CDC42BPA: variants seen among roughly 807,000 people sequenced by gnomAD.
CDC42BPA encodes the protein CDC42 binding protein kinase alpha, also known as serine/threonine-protein kinase MRCK alpha.
A neutral mutation model predicts 223.5 loss-of-function variants in CDC42BPA; 80 were observed. The ratio of observed to expected loss-of-function variants is 0.36; its 90% CI spans 0.30 to 0.43. CDC42BPA has a LOEUF of 0.43. Ranked by LOEUF, CDC42BPA falls within the 20% of genes least tolerant of loss-of-function variation. The probability of loss-of-function intolerance (pLI) is 1.00; values close to 1 mark genes in which losing one functional copy is unlikely to be tolerated. For synonymous variants in CDC42BPA, 694 were observed against 718.6 expected, an observed-to-expected ratio of 0.97 and a Z score of 0.55; for missense variants, 1,743 against 2,099.9, an observed-to-expected ratio of 0.83 and a Z score of 3.32.
rs531366026 is a variant in CDC42BPA at position 227,239,920 on chromosome 1, T to A, written c.270+14144A>T. On this transcript the variant is annotated intron_variant, in intron 2 of 36. Transcript: ENST00000366766. The stretch of plus-strand genomic sequence containing the variant: ...ACACTGTATTAGAGGTCCGAGCTAG[T>A]GCAGTAAGTCAAGACAAAGAAATAG... 1.6e-4 allele frequency among the ~76,000 whole-genome samples: 24 copies of A among 152,200 alleles called. No homozygotes were observed. The South Asian group carries it at 4.8e-3, about 30-fold the overall frequency.
Position 227,101,174 on chromosome 1 carries a change from T to C in CDC42BPA, c.2067A>G (p.Leu689=). 6.3e-7 allele frequency: 1 copy of C among 1,596,896 alleles called. No individual in the cohort carries two copies. Among genetic ancestry groups the C allele is most frequent in the Non-Finnish European group, 8.6e-7 (1 of 1,165,230 alleles). The change falls in exon 15 of 37, where the codon CTA becomes CTG. Residue 689 remains leucine (L), a synonymous_variant. Transcript: ENST00000366766. ...SIEHQQEITK[L]KTDLEKKSIF... is the part of the protein sequence containing the mutation. Reference sequence around the variant, plus strand: ...TACTTTTCTTTTCCAAATCAGTCTTTAGTTTGGTTATCTCTTGCTGATGTT... The same window carrying C: ...TACTTTTCTTTTCCAAATCAGTCTTCAGTTTGGTTATCTCTTGCTGATGTT...
chr1:227,120,989 T>C (rs1353288130), intron 11 of CDC42BPA, among the ~76,000 whole-genome samples: 1 of 152,146 alleles, frequency 6.6e-6, no homozygotes, highest in Non-Finnish European at 1.5e-5. Context: ...ACAATAGGGT[T>C]CACGGTCCCA....
intron 22 of CDC42BPA, 104 bp from the exon 23 acceptor site, chr1:227,048,114 GCAAAAAGTT>G: frequency 5.0e-6 from 3 of 601,264 alleles, no homozygotes; most frequent in East Asian, 2.9e-5. Flanking sequence ...CATCAATAAG[GCAAAAAGTT>G]CTACTAATTA....
intron 2 of CDC42BPA, among the ~76,000 whole-genome samples, chr1:227,230,501 A>C (rs1184267107): frequency 2.0e-5 from 3 of 152,196 alleles, no homozygotes; most frequent in Non-Finnish European, 4.4e-5. Context: ...ATAATACTGT[A>C]ACAGAGTTTA....
intron 6 of CDC42BPA, among the ~76,000 whole-genome samples, chr1:227,150,536 AC>A (rs1447507047): frequency 6.6e-6 from 1 of 152,176 alleles, no homozygotes; most frequent in Non-Finnish European, 1.5e-5. Context: ...GACTGAGTAA[AC>A]TATCGCTAAC....
In CDC42BPA at chr1:227,112,788, G is replaced by T. The variant is rs150453607; in HGVS notation, c.1773C>A (p.Thr591=). ...CATGGCGAGCAAGTTTCTGTTTTTG[G>T]GTGTGCAATTCTGTTAGCCGCTCAT... The part of the protein sequence containing the change: ...EINERLTELH[T]QKQKLARHVR... Residue 591 remains threonine (T), a synonymous_variant, in exon 13 of 37, where the codon ACC becomes ACA. Coordinates refer to ENST00000366766, the MANE Select transcript of CDC42BPA (RefSeq NM_001394014.1). 6.2e-7 allele frequency: 1 copy of T among 1,613,860 alleles called. No homozygotes were observed. Among genetic ancestry groups the T allele is most frequent in the African/African-American group, 1.3e-5 (1 of 74,966 alleles).
At chr1:227,084,259 G>A (rs1205038864) in intron 16 of CDC42BPA, among the ~76,000 whole-genome samples, 1 of 152,142 alleles carries the variant, frequency 6.6e-6, no homozygotes. Flanking sequence ...TGGGTGTGGT[G>A]GCTCACGCCT....
At chr1:227,096,561 C>T (rs547900523) in intron 15 of CDC42BPA, among the ~76,000 whole-genome samples, 1 of 152,366 alleles carries the variant, frequency 6.6e-6, no homozygotes, top group East Asian at 1.9e-4. Context: ...TCAACACTGC[C>T]TGTGATTACA....
chr1:227,199,105 T>C (rs982904032), intron 4 of CDC42BPA, among the ~76,000 whole-genome samples: 1 of 152,172 alleles, frequency 6.6e-6, no homozygotes, highest in African/African-American at 2.4e-5. Context: ...GTGTTAGTTA[T>C]GTAATAAAAA....
At chr1:227,100,416 C>T (rs577175880) in intron 15 of CDC42BPA, among the ~76,000 whole-genome samples, 2 of 152,226 alleles carry the variant, frequency 1.3e-5, no homozygotes, top group Middle Eastern at 3.4e-3. Context: ...CTCTATTTTA[C>T]TTTCCAGCTT....
chr1:227,030,204 T>C (rs12403775), intron 29 of CDC42BPA, among the ~76,000 whole-genome samples: 32,973 of 151,628 alleles, frequency 0.22, 3,912 homozygotes, highest in Non-Finnish European at 0.27. Flanking sequence ...AGAAAGACAA[T>C]ACATATTTGA....
At chr1:227,287,237 C>T (rs559375262) in intron 1 of CDC42BPA, among the ~76,000 whole-genome samples, 22 of 152,214 alleles carry the variant, frequency 1.4e-4, no homozygotes, top group Admixed American at 4.6e-4. Context: ...TCGTATTGTG[C>T]GGAAAAGAGT....
intron 1 of CDC42BPA, among the ~76,000 whole-genome samples, chr1:227,258,600 G>A (rs1458474746): frequency 6.6e-6 from 1 of 150,828 alleles, no homozygotes; most frequent in African/African-American, 2.5e-5. Flanking sequence ...TTTAAAAGAT[G>A]CCTTAACAAG....
rs35570582 is a variant in CDC42BPA, at chr1:227,095,589, G to GT, written c.2250-3599dup. On this transcript the variant is annotated intron_variant, in intron 15 of 36. Transcript: ENST00000366766. ...GGAAAAAAGGGGAATAAGTTCTTTG[G>GT]TTTTTTTTTTTTTTTTTTTGAGACA... Among the ~76,000 whole-genome samples the GT allele has an allele frequency of 6.9e-3, 874 of 127,542 alleles. 6 individuals are homozygous for GT. Among genetic ancestry groups the GT allele is most frequent in the African/African-American group, 0.017 (595 of 34,302 alleles). The allele number at this position is 127,542 out of a possible 152,430, so 83.7% of individuals were successfully genotyped here.
At chr1:227,275,017 T>G (rs1045009189) in intron 1 of CDC42BPA, among the ~76,000 whole-genome samples, 2 of 152,086 alleles carry the variant, frequency 1.3e-5, no homozygotes, top group Non-Finnish European at 2.9e-5. Flanking sequence ...AAGTGAAGCA[T>G]ACAAAAGTTT....
In CDC42BPA at chr1:227,317,349, C is replaced by G; in HGVS notation, c.-167G>C. 1 of 613,018 alleles carries G rather than the reference C, an allele frequency of 1.6e-6. No homozygotes were observed. Among genetic ancestry groups the G allele is most frequent in the Non-Finnish European group, 2.7e-6 (1 of 367,614 alleles). The allele number at this position is 613,018 out of a possible 1,614,324, so 38.0% of individuals were successfully genotyped here. Reference sequence around the variant, plus strand: ...TAAACATCCAACACACCAGTAACCTCACTTAACTGAAGCGTCTTCAATTTC... The same window carrying G: ...TAAACATCCAACACACCAGTAACCTGACTTAACTGAAGCGTCTTCAATTTC... On this transcript the variant is annotated 5_prime_UTR_variant, in exon 1 of 37. The change abolishes the stop of an existing upstream ORF in the 5' untranslated region. Coordinates refer to ENST00000366766, the MANE Select transcript of CDC42BPA (RefSeq NM_001394014.1).
rs77122651 is a variant in CDC42BPA at position 227,080,900 on chromosome 1, T to G, written c.2473A>C (p.Ile825Leu). ...GTTTAAAAGAGCACTCACCACTGAA[T>G]TATTTCTGTGATTTGGGCTTCCCAA... ...AHWEAQITEI[I>L]QWVSDEKDAR... is the part of the protein sequence containing the mutation. Residue 825 changes from isoleucine to leucine, a missense_variant, in exon 17 of 37, where the codon ATT (isoleucine) becomes CTT (leucine). By Grantham distance (5) the Ile-to-Leu change is conservative. Around this residue, in one of 6 missense-constraint regions of CDC42BPA, gnomAD observed 464 missense variants for 488.0 expected, o/e 0.95. Transcript: ENST00000366766. 1,608 of 1,613,636 alleles carry G rather than the reference T, an allele frequency of 1.0e-3. 18 individuals carry two copies. The African/African-American group carries it at 0.019, about 19-fold the overall frequency.
intron 3 of CDC42BPA, among the ~76,000 whole-genome samples, chr1:227,206,504 T>C (rs1327977587): frequency 4.6e-5 from 7 of 152,090 alleles, no homozygotes; most frequent in Non-Finnish European, 1.0e-4. Flanking sequence ...TCTGAAAAAA[T>C]TGTTTTAAAG....
At chr1:227,253,269 C>CGAGAGAGAGA (rs1355950996) in intron 2 of CDC42BPA, among the ~76,000 whole-genome samples, 146 of 80,190 alleles carry the variant, frequency 1.8e-3, no homozygotes, top group Non-Finnish European at 3.2e-3. Context: ...CGAGAGAGAG[C>CGAGAGAGAGA]GCGCGCGCGT....
Sources: gnomAD v4.1 joint callset for allele counts (sites outside exome capture counted in the v4.1 genomes callset) on GRCh38, gnomAD v4.1.1 for gene constraint, gnomAD v4.1.1 regional missense constraint, MANE v1.5 for transcripts, NCBI Gene and HGNC (gene_info 2026-07-23, HGNC 2026-07-21) for gene names.